Variants in CNTN5 observed in about 807,000 individuals in gnomAD.
CNTN5 encodes contactin-5.
In CNTN5, 77 loss-of-function variants were observed where a neutral mutation model predicts 129.1. That is an observed-to-expected ratio of 0.60 (90% CI 0.50 to 0.72). The LOEUF (loss-of-function observed/expected upper bound fraction) is 0.72, where lower values mean the gene tolerates loss of function less well. Ranked by LOEUF, CNTN5 falls within the 30% of genes least tolerant of loss-of-function variation. The pLI, the probability that CNTN5 is intolerant of heterozygous loss-of-function variation, is 0.00. For synonymous variants in CNTN5, 509 were observed against 465.6 expected, an observed-to-expected ratio of 1.09 and a Z score of -1.20; for missense variants, 1,478 against 1,328.8, an observed-to-expected ratio of 1.11 and a Z score of -1.75.
At chr11:99,792,803 A>G (rs1369382551) in intron 3 of CNTN5, among the ~76,000 whole-genome samples, 1 of 151,572 alleles carries the variant, frequency 6.6e-6, no homozygotes, top group Non-Finnish European at 1.5e-5. Context: ...CAAATGCAGA[A>G]CTCTTTATTG....
Position 99,201,270 on chromosome 11 carries a change from C to T in CNTN5, c.-209-124076C>T, listed in dbSNP as rs528494477. On this transcript the variant is annotated intron_variant, in intron 1 of 24. Transcript: ENST00000524871. ...CAAGCTCCTGACCCCGTGATCCACCCGCCTCAGCCTCCCAAAGTGCTGGGA... is the reference window on the plus strand; with the variant it reads ...CAAGCTCCTGACCCCGTGATCCACCTGCCTCAGCCTCCCAAAGTGCTGGGA... Among the ~76,000 whole-genome samples the T allele has an allele frequency of 7.9e-4, 120 of 151,388 alleles. 1 individual carries two copies. Among genetic ancestry groups the T allele is most frequent in the Non-Finnish European group, 2.5e-4 (17 of 67,860 alleles).
At chr11:100,096,784 C>T (rs1295277062) in intron 13 of CNTN5, among the ~76,000 whole-genome samples, 1 of 151,946 alleles carries the variant, frequency 6.6e-6, no homozygotes, top group Non-Finnish European at 1.5e-5. Flanking sequence ...GGCCTGGGGA[C>T]CAATAATTCC....
chr11:99,964,899 G>A (rs1951052436), intron 8 of CNTN5, among the ~76,000 whole-genome samples: 1 of 152,158 alleles, frequency 6.6e-6, no homozygotes, highest in Non-Finnish European at 1.5e-5. Context: ...GAGGGTGTAT[G>A]TGTTGAGGAA....
chr11:99,645,469 T>C (rs1020726039), intron 3 of CNTN5, among the ~76,000 whole-genome samples: 1 of 152,022 alleles, frequency 6.6e-6, no homozygotes, highest in African/African-American at 2.4e-5. Flanking sequence ...GTAGTTGAAC[T>C]AATCATTCTA....
intron 9 of CNTN5, among the ~76,000 whole-genome samples, chr11:100,037,947 G>GT (rs1942126494): frequency 1.3e-5 from 2 of 151,898 alleles, no homozygotes; most frequent in South Asian, 2.1e-4. Flanking sequence ...TTTTTGAAGG[G>GT]TTTTTGTGTC....
chr11:99,094,044 G>C (rs1221548143), intron 1 of CNTN5, among the ~76,000 whole-genome samples: 1 of 151,892 alleles, frequency 6.6e-6, no homozygotes, highest in East Asian at 1.9e-4. Context: ...TACCCAATTA[G>C]ATACTGTTAG....
chr11:100,067,008 T>G (rs1329851800), intron 10 of CNTN5, among the ~76,000 whole-genome samples: 2 of 151,980 alleles, frequency 1.3e-5, no homozygotes, highest in Non-Finnish European at 2.9e-5. Context: ...TTTTAAAAAT[T>G]TTACCACTGC....
chr11:99,273,194 A>G (rs150256046), intron 1 of CNTN5, among the ~76,000 whole-genome samples: 1 of 151,798 alleles, frequency 6.6e-6, no homozygotes, highest in Non-Finnish European at 1.5e-5. Flanking sequence ...GAAGGGACAT[A>G]TGCACCAATT....
chr11:100,181,832 A>G (rs1948147030), intron 13 of CNTN5, among the ~76,000 whole-genome samples: 1 of 152,036 alleles, frequency 6.6e-6, no homozygotes, highest in East Asian at 1.9e-4. Flanking sequence ...TAGACCAATA[A>G]CTATAAAACA....
At chr11:99,185,412 T>C (rs906937292) in intron 1 of CNTN5, among the ~76,000 whole-genome samples, 3 of 151,924 alleles carry the variant, frequency 2.0e-5, no homozygotes, top group Non-Finnish European at 1.5e-5. Context: ...GGTGAATCAA[T>C]GATAGTTAAG....
At position 99,422,510 on chromosome 11, in the gene CNTN5, TTATATTTTTATA is replaced by T. The variant is rs1323657513; in HGVS notation, c.-71+97032_-71+97043del. ...AAAAACAAAAGCGATTCATGTTACTTTATATTTTTATATATATATATATATATATATATATAT... is the reference window on the plus strand; with the variant it reads ...AAAAACAAAAGCGATTCATGTTACTTTATATATATATATATATATATATAT... On this transcript the variant is annotated intron_variant, in intron 2 of 24. Transcript: ENST00000524871. Among the ~76,000 whole-genome samples the T allele has an allele frequency of 1.1e-3, 65 of 61,176 alleles. 1 individual carries two copies. The highest frequency in any genetic ancestry group is 6.1e-3 in the South Asian group (12 of 1,952). The allele number at this position is 61,176 out of a possible 152,430, so 40.1% of individuals were successfully genotyped here.
At chr11:99,706,614 A>G (rs1016861100) in intron 3 of CNTN5, among the ~76,000 whole-genome samples, 4 of 151,466 alleles carry the variant, frequency 2.6e-5, no homozygotes, top group African/African-American at 7.3e-5. Context: ...CTAAATTTGT[A>G]TGTGGTGTCG....
intron 1 of CNTN5, among the ~76,000 whole-genome samples, chr11:99,149,826 G>T (rs1403161951): frequency 6.6e-6 from 1 of 151,980 alleles, no homozygotes; most frequent in Non-Finnish European, 1.5e-5. Flanking sequence ...AAGTGAGGTT[G>T]TCTTTTACAT....
At chr11:99,621,984 T>C (rs1950966007) in intron 3 of CNTN5, among the ~76,000 whole-genome samples, 1 of 152,168 alleles carries the variant, frequency 6.6e-6, no homozygotes, top group Non-Finnish European at 1.5e-5. Flanking sequence ...ACATCATGGA[T>C]AAAATCTGAC....
intron 3 of CNTN5, among the ~76,000 whole-genome samples, chr11:99,573,052 A>G (rs1278838868): frequency 2.0e-5 from 3 of 152,224 alleles, no homozygotes; most frequent in South Asian, 2.1e-4. Context: ...AGAAATAAAC[A>G]GTTGTTATTG....
chr11:100,060,433 T>G (rs1943417280), intron 9 of CNTN5, among the ~76,000 whole-genome samples: 2 of 151,990 alleles, frequency 1.3e-5, no homozygotes, highest in African/African-American at 4.8e-5. Flanking sequence ...TGTGTGAACA[T>G]ATGCTTCACG....
intron 9 of CNTN5, among the ~76,000 whole-genome samples, chr11:100,055,027 C>G (rs892231005): frequency 1.3e-4 from 9 of 68,634 alleles, no homozygotes; most frequent in African/African-American, 5.8e-4. Context: ...TAGCCGTAGC[C>G]TAAAAAAAAA....
chr11:100,194,185 A>G (rs1204108976), intron 15 of CNTN5, among the ~76,000 whole-genome samples: 2 of 151,586 alleles, frequency 1.3e-5, no homozygotes, highest in Non-Finnish European at 2.9e-5. Context: ...CTTCTTTTAT[A>G]TTGTGTACCT....
At chr11:99,131,368 A>T (rs7483651) in intron 1 of CNTN5, among the ~76,000 whole-genome samples, 137,082 of 151,620 alleles carry the variant, frequency 0.9, 62,170 homozygotes, top group East Asian at 0.99. Context: ...AGAGCAAAGA[A>T]ATCCCACAGC....
Sources: gnomAD v4.1 joint callset for allele counts (sites outside exome capture counted in the v4.1 genomes callset) on GRCh38, gnomAD v4.1.1 for gene constraint, MANE v1.5 for transcripts, NCBI Gene and HGNC (gene_info 2026-07-23, HGNC 2026-07-21) for gene names.